Variants in MALRD1 observed in about 807,000 individuals in gnomAD.
MALRD1 encodes MAM and LDL-receptor class A domain-containing protein 1.
In MALRD1, 247 loss-of-function variants were observed where a neutral mutation model predicts 242.1. The observed-to-expected ratio is 1.02, with a 90% CI of 0.92 to 1.13. The LOEUF (loss-of-function observed/expected upper bound fraction) is 1.13. Among genes scored for constraint, MALRD1 ranks in the 50% most tolerant of loss-of-function variants. The probability of loss-of-function intolerance (pLI) is 0.00; values close to 1 mark genes in which losing one functional copy is unlikely to be tolerated. For missense variants in MALRD1, 2,989 were observed against 2,533.1 expected (o/e 1.18, Z -3.86); for synonymous variants, 995 against 866.6 (o/e 1.15, Z -2.60).
chr10:19,298,854 G>A (rs745894637), intron 21 of MALRD1, among the ~76,000 whole-genome samples: 1 of 151,834 alleles, frequency 6.6e-6, no homozygotes, highest in Non-Finnish European at 1.5e-5. Flanking sequence ...AGAAGTCAAC[G>A]TTTATCTTCT....
chr10:19,115,574 T>C (rs1049235368), intron 5 of MALRD1, among the ~76,000 whole-genome samples: 1 of 152,172 alleles, frequency 6.6e-6, no homozygotes, highest in African/African-American at 2.4e-5. Context: ...GTTTATAATA[T>C]ATGGCTTATT....
intron 38 of MALRD1, among the ~76,000 whole-genome samples, chr10:19,719,848 A>G (rs181991310): frequency 1.2e-4 from 19 of 152,262 alleles, no homozygotes; most frequent in Non-Finnish European, 5.9e-5. Context: ...TTATTTAAAA[A>G]AAAAAAATCA....
intron 36 of MALRD1, among the ~76,000 whole-genome samples, chr10:19,666,971 C>G (rs1031548650): frequency 6.6e-6 from 1 of 152,016 alleles, no homozygotes; most frequent in Non-Finnish European, 1.5e-5. Context: ...TTTACAGACA[C>G]CCTAGGAGGC....
At chr10:19,597,301 G>T (rs1374610915) in intron 34 of MALRD1, among the ~76,000 whole-genome samples, 1 of 152,138 alleles carries the variant, frequency 6.6e-6, no homozygotes, top group Non-Finnish European at 1.5e-5. Context: ...TATGATATTT[G>T]GCTTCAAATA....
At chr10:19,722,848 G>A (rs139142054) in intron 38 of MALRD1, among the ~76,000 whole-genome samples, 1 of 152,110 alleles carries the variant, frequency 6.6e-6, no homozygotes, top group African/African-American at 2.4e-5. Flanking sequence ...TTATAAACAT[G>A]TCATTTCATC....
At chr10:19,206,500 A>G (rs1296625249) in intron 17 of MALRD1, among the ~76,000 whole-genome samples, 1 of 152,224 alleles carries the variant, frequency 6.6e-6, no homozygotes, top group African/African-American at 2.4e-5. Flanking sequence ...AAAAATGTCA[A>G]TGTGCTGCTA....
chr10:19,715,702 C>T (rs921721072), intron 38 of MALRD1, among the ~76,000 whole-genome samples: 4 of 152,180 alleles, frequency 2.6e-5, no homozygotes, highest in African/African-American at 9.7e-5. Flanking sequence ...GTTCTGCAGG[C>T]TGTACAAACA....
At chr10:19,318,348 C>G (rs138306509) in intron 21 of MALRD1, among the ~76,000 whole-genome samples, 1 of 151,702 alleles carries the variant, frequency 6.6e-6, no homozygotes, top group African/African-American at 2.4e-5. Context: ...TCAAATTGAT[C>G]TCCTGACATA....
chr10:19,616,484 G>A (rs1418629735), intron 36 of MALRD1, among the ~76,000 whole-genome samples: 3 of 151,948 alleles, frequency 2.0e-5, no homozygotes, highest in East Asian at 3.9e-4. Context: ...ATCAAAGATG[G>A]CTTGATTTCT....
chr10:19,363,346 TAGAG>T (rs148512295), intron 26 of MALRD1, among the ~76,000 whole-genome samples: 1,930 of 152,010 alleles, frequency 0.013, 35 homozygotes, highest in African/African-American at 0.036. Context: ...AAAACAGACA[TAGAG>T]AGACCAGAGT....
At chr10:19,701,260 C>T (rs1276407228) in intron 38 of MALRD1, among the ~76,000 whole-genome samples, 1 of 152,180 alleles carries the variant, frequency 6.6e-6, no homozygotes, top group Non-Finnish European at 1.5e-5. Context: ...TCAGCCTACT[C>T]AAGGTCTTCA....
chr10:19,587,793 GA>G (rs1458657512), intron 33 of MALRD1, among the ~76,000 whole-genome samples: 1 of 151,812 alleles, frequency 6.6e-6, no homozygotes, highest in Non-Finnish European at 1.5e-5. Flanking sequence ...TAAATGCCAG[GA>G]ATTGGAACTG....
chr10:19,320,529 A>C (rs1159837338), intron 21 of MALRD1, among the ~76,000 whole-genome samples: 1 of 152,168 alleles, frequency 6.6e-6, no homozygotes, highest in African/African-American at 2.4e-5. Flanking sequence ...TGCAATAAAC[A>C]TACATGTGCA....
chr10:19,327,343 T>C (rs1256884747), intron 22 of MALRD1, among the ~76,000 whole-genome samples: 1 of 152,082 alleles, frequency 6.6e-6, no homozygotes, highest in Non-Finnish European at 1.5e-5. Context: ...GACTGACAGA[T>C]ATTCATGCAC....
chr10:19,114,335 C>A (rs988209268), intron 5 of MALRD1, among the ~76,000 whole-genome samples: 2 of 152,066 alleles, frequency 1.3e-5, no homozygotes, highest in African/African-American at 4.8e-5. Flanking sequence ...AATGAGTGGA[C>A]TTAAGTTCTA....
At chr10:19,283,897 G>C (rs988498024) in intron 21 of MALRD1, among the ~76,000 whole-genome samples, 2 of 152,306 alleles carry the variant, frequency 1.3e-5, no homozygotes, top group Admixed American at 1.3e-4. Flanking sequence ...AAATAAACGA[G>C]TGACTGAAAC....
At chr10:19,304,573 T>A (rs958179588) in intron 21 of MALRD1, among the ~76,000 whole-genome samples, 10 of 151,800 alleles carry the variant, frequency 6.6e-5, no homozygotes, top group African/African-American at 2.4e-4. Flanking sequence ...AATTTATCAA[T>A]GTCAACAAAA....
intron 26 of MALRD1, among the ~76,000 whole-genome samples, chr10:19,356,092 G>A (rs1390789980): frequency 2.0e-5 from 3 of 151,388 alleles, no homozygotes; most frequent in Non-Finnish European, 4.4e-5. Flanking sequence ...ATGGCTCCCA[G>A]AATTGGCTCT....
chr10:19,105,863 A>G (rs1309415073), intron 5 of MALRD1, among the ~76,000 whole-genome samples: 1 of 151,758 alleles, frequency 6.6e-6, no homozygotes, highest in Admixed American at 6.6e-5. Flanking sequence ...CCACTTTCAA[A>G]TTTGATTATT....
Sources: gnomAD v4.1 joint callset for allele counts (sites outside exome capture counted in the v4.1 genomes callset) on GRCh38, gnomAD v4.1.1 for gene constraint, MANE v1.5 for transcripts, NCBI Gene and HGNC (gene_info 2026-07-23, HGNC 2026-07-21) for gene names.